Variants in PDSS1 observed in about 807,000 individuals in gnomAD.
PDSS1 encodes the protein all trans-polyprenyl-diphosphate synthase PDSS1.
Under a neutral mutation model 57.5 loss-of-function variants are expected in PDSS1, and 43 were observed. The observed-to-expected ratio is 0.75, with a 90% CI of 0.59 to 0.96. The LOEUF (loss-of-function observed/expected upper bound fraction) is 0.96. PDSS1 is among the 50% of genes least tolerant of loss of function. PDSS1 has a pLI of 0.00. For missense variants in PDSS1, 438 were observed against 527.8 expected, an observed-to-expected ratio of 0.83 and a Z score of 1.67; for synonymous variants, 175 against 191.3, an observed-to-expected ratio of 0.91 and a Z score of 0.70.
intron 5 of PDSS1, chr10:26,715,716 C>G (rs993445512): frequency 3.3e-5 from 5 of 152,098 alleles, no homozygotes; most frequent in Non-Finnish European, 7.3e-5. Context: ...CTTTCCTTAC[C>G]CATCCCCAAT....
intron 4 of PDSS1, among the ~76,000 whole-genome samples, chr10:26,709,043 A>C (rs1748358): frequency 0.75 from 113,977 of 151,696 alleles, 43,089 homozygotes; most frequent in East Asian, 1. Flanking sequence ...GCTTTCTTCC[A>C]CCTCCTGCTG....
chr10:26,704,104 A>G (rs1173201701), intron 2 of PDSS1, among the ~76,000 whole-genome samples: 1 of 148,240 alleles, frequency 6.7e-6, no homozygotes, highest in Admixed American at 6.8e-5. Flanking sequence ...AAAAAAAAAT[A>G]TGGCTAGAGC....
At chr10:26,741,556 T>C (rs970569601) in intron 10 of PDSS1, among the ~76,000 whole-genome samples, 17 of 152,130 alleles carry the variant, frequency 1.1e-4, no homozygotes, top group African/African-American at 4.1e-4. Context: ...GTCAATGTCA[T>C]GCACCGCTGC....
chr10:26,705,635 G>A (rs2132220038), intron 4 of PDSS1, among the ~76,000 whole-genome samples: 1 of 152,096 alleles, frequency 6.6e-6, no homozygotes, highest in South Asian at 2.1e-4. Flanking sequence ...CATCACACCT[G>A]GGTAATTTTT....
At chr10:26,701,449 G>T (rs963100037) in intron 1 of PDSS1, among the ~76,000 whole-genome samples, 3 of 152,182 alleles carry the variant, frequency 2.0e-5, no homozygotes, top group Admixed American at 6.5e-5. Context: ...GCTGCTCTGT[G>T]CAAGAGCAGC....
Position 26,697,878 on chromosome 10 carries a change from G to A in PDSS1, c.129+38G>A, listed in dbSNP as rs552875109. The A allele has an allele frequency of 2.1e-5, 27 of 1,263,278 alleles. No individual in the cohort carries two copies. In the Admixed American group the frequency reaches 7.7e-4, roughly 36 times the overall value. The allele number at this position is 1,263,278 out of a possible 1,614,324, so 78.3% of individuals were successfully genotyped here. A position where few individuals can be genotyped will look rare whatever the true frequency, so the allele number is the denominator to read the frequency against. On this transcript the variant is annotated intron_variant, in intron 1 of 11. Coordinates refer to ENST00000376215, the MANE Select transcript of PDSS1 (RefSeq NM_014317.5). ...GGCGCGCGCCCGGCGGGGCTCAGAG[G>A]TCACGGCTCCAATGACAGCAGTGGG...
At chr10:26,723,578 G>A (rs563511654) in intron 6 of PDSS1, among the ~76,000 whole-genome samples, 18 of 151,966 alleles carry the variant, frequency 1.2e-4, no homozygotes, top group East Asian at 5.8e-4. Context: ...TGATTATTAC[G>A]AACTGGGAAG....
chr10:26,699,111 A>C (rs1038551083), intron 1 of PDSS1, among the ~76,000 whole-genome samples: 2 of 152,170 alleles, frequency 1.3e-5, no homozygotes, highest in Non-Finnish European at 2.9e-5. Flanking sequence ...CAGCCTGGGC[A>C]ACAGTGTGAG....
rs1554800153 is a variant in PDSS1 at position 26,746,589 on chromosome 10, A to AAACT, written c.*117_*120dup. 2 of 1,123,510 alleles carry AAACT rather than the reference A, an allele frequency of 1.8e-6. No homozygotes were observed. The highest frequency in any genetic ancestry group is 3.1e-5 in the African/African-American group (2 of 63,704). 69.6% of individuals were successfully genotyped at this position (1,123,510 alleles called of 1,614,324 possible). On this transcript the variant is annotated 3_prime_UTR_variant, in exon 12 of 12. Coordinates refer to ENST00000376215, the MANE Select transcript of PDSS1 (RefSeq NM_014317.5). ...ACCAAAAATCATTTTAAAAGATATC[A>AAACT]AACTTATTGATGGGCAATTTATTTT...
intron 11 of PDSS1, among the ~76,000 whole-genome samples, chr10:26,744,847 A>G (rs1357745456): frequency 6.6e-6 from 1 of 152,096 alleles, no homozygotes; most frequent in African/African-American, 2.4e-5. Context: ...TTCAACCACA[A>G]TGTTAGGAAT....
At chr10:26,703,291 CTA>C (rs1564415467) in intron 2 of PDSS1, among the ~76,000 whole-genome samples, 27 of 152,064 alleles carry the variant, frequency 1.8e-4, no homozygotes, top group African/African-American at 5.3e-4. Context: ...GATTAGGGGT[CTA>C]TAACTGAATA....
At chr10:26,700,330 G>C (rs117409913) in intron 1 of PDSS1, among the ~76,000 whole-genome samples, 8,642 of 148,090 alleles carry the variant, frequency 0.058, 360 homozygotes, top group Non-Finnish European at 0.09. Flanking sequence ...TTAGCTGAGC[G>C]TGGTGGCTCA....
chr10:26,735,460 T>C lies in PDSS1; in HGVS notation c.913-6T>C. 6.3e-7 allele frequency: 1 copy of C among 1,590,350 alleles called. No individual in the cohort carries two copies. The highest frequency in any genetic ancestry group is 8.6e-7 in the Non-Finnish European group (1 of 1,158,264). ...GCTCCTTACATCCCATTTTTCCTTT[T>C]GCCAGCTAATAGATGATGTATTGGA... On this transcript the variant is annotated splice_polypyrimidine_tract_variant and splice_region_variant and intron_variant, in intron 9 of 11. Transcript: ENST00000376215.
chr10:26,745,274 G>A (rs1371251788), intron 11 of PDSS1, among the ~76,000 whole-genome samples: 1 of 152,134 alleles, frequency 6.6e-6, no homozygotes, highest in Non-Finnish European at 1.5e-5. Flanking sequence ...TTACATCATA[G>A]AAATGATACT....
At chr10:26,721,924 C>G (rs1349660667) in intron 6 of PDSS1, among the ~76,000 whole-genome samples, 5 of 152,236 alleles carry the variant, frequency 3.3e-5, no homozygotes, top group Admixed American at 3.3e-4. Context: ...CTACCTGTTT[C>G]TGCCTCTGAC....
rs554212272 is a variant in PDSS1 at position 26,738,604 on chromosome 10, T to G, written c.1026+3025T>G. On this transcript the variant is annotated intron_variant, in intron 10 of 11. Transcript: ENST00000376215. Reference sequence around the variant, plus strand: ...TAGTTCTAAGACGTCTGTAATCCTTTCCCTTTGGTAGGTGAGTTTTGTTTG... The same window carrying G: ...TAGTTCTAAGACGTCTGTAATCCTTGCCCTTTGGTAGGTGAGTTTTGTTTG... Among the ~76,000 whole-genome samples, 17 of 152,324 alleles carry G rather than the reference T, an allele frequency of 1.1e-4. No homozygotes were observed. In the South Asian group the frequency reaches 2.1e-3, roughly 19 times the overall value.
chr10:26,724,726 C>T (rs1835898595), intron 8 of PDSS1, among the ~76,000 whole-genome samples: 2 of 152,134 alleles, frequency 1.3e-5, no homozygotes, highest in East Asian at 1.9e-4. Flanking sequence ...CACAGGTGTG[C>T]GCCATCACAC....
Position 26,704,740 on chromosome 10 carries a change from C to T in PDSS1, c.226C>T (p.Arg76Trp), listed in dbSNP as rs767853330. The change falls in exon 3 of 12, where the codon CGG becomes TGG. Residue 76 changes from arginine (R) to tryptophan (W), a missense_variant and splice_region_variant. Physicochemically the swap from Arg to Trp is moderately radical, Grantham distance 101 (BLOSUM62 -3). Coordinates refer to ENST00000376215, the MANE Select transcript of PDSS1 (RefSeq NM_014317.5). Reference protein sequence around the residue: ...SACPNVCRISRFHHTTPDSKT... With the variant: ...SACPNVCRISWFHHTTPDSKT... ...CTGTCCAAATGTATGTCGTATATCACGGTAAGTTTACAGTCCATACTGCAA... is the reference window on the plus strand; with the variant it reads ...CTGTCCAAATGTATGTCGTATATCATGGTAAGTTTACAGTCCATACTGCAA... The T allele has an allele frequency of 2.1e-5, 29 of 1,404,246 alleles. No homozygotes were observed. The highest frequency in any genetic ancestry group is 1.0e-4 in the Admixed American group (6 of 59,710). 87.0% of individuals were successfully genotyped at this position (1,404,246 alleles called of 1,614,324 possible).
intron 10 of PDSS1, among the ~76,000 whole-genome samples, chr10:26,740,329 T>A (rs1053381976): frequency 2.0e-5 from 3 of 151,956 alleles, no homozygotes; most frequent in African/African-American, 7.3e-5. Context: ...CCTACTTGAT[T>A]TGGCTTTTTT....
Sources: gnomAD v4.1 joint callset for allele counts (sites outside exome capture counted in the v4.1 genomes callset) on GRCh38, gnomAD v4.1.1 for gene constraint, MANE v1.5 for transcripts, NCBI Gene and HGNC (gene_info 2026-07-23, HGNC 2026-07-21) for gene names.